Variants in SLC24A4 observed in about 807,000 individuals in gnomAD.
SLC24A4 encodes the protein solute carrier family 24 member 4, also known as sodium/potassium/calcium exchanger 4.
Under a neutral mutation model 79.0 loss-of-function variants are expected in SLC24A4, and 53 were observed. That is an observed-to-expected ratio of 0.67 (90% CI 0.54 to 0.84). The LOEUF is 0.84. SLC24A4 is among the 40% of genes least tolerant of loss of function. SLC24A4 has a pLI of 0.00. For synonymous variants in SLC24A4, 323 were observed against 323.8 expected, an observed-to-expected ratio of 1.00 and a Z score of 0.03; for missense variants, 731 against 822.0, an observed-to-expected ratio of 0.89 and a Z score of 1.35.
chr14:92,490,165 G>C lies in SLC24A4; in HGVS notation c.1538-1500G>C, dbSNP rs1021815878. 6.6e-6 allele frequency among the ~76,000 whole-genome samples: 1 copy of C among 152,222 alleles called. No homozygotes were observed. The highest frequency in any genetic ancestry group is 6.5e-5 in the Admixed American group (1 of 15,286). On this transcript the variant is annotated intron_variant, in intron 14 of 16. Transcript: ENST00000532405. This position sits in a 1 kb window ranked among gnomAD's most constrained non-coding sequence, Gnocchi z 4.3. ...TGGGTGCCGATCTGAGTTGCCTGCCGTATGTGCCAGCTACCAAAGCAATGT... is the reference window on the plus strand; with the variant it reads ...TGGGTGCCGATCTGAGTTGCCTGCCCTATGTGCCAGCTACCAAAGCAATGT...
chr14:92,487,962 G>A (rs1895460874), intron 14 of SLC24A4, among the ~76,000 whole-genome samples: 2 of 151,296 alleles, frequency 1.3e-5, no homozygotes, highest in South Asian at 2.1e-4. Context: ...TGTCTGTGTC[G>A]ACTTCCTCCT....
intron 12 of SLC24A4, among the ~76,000 whole-genome samples, chr14:92,462,920 G>A (rs1409857268): frequency 6.6e-6 from 1 of 152,158 alleles, no homozygotes; most frequent in Non-Finnish European, 1.5e-5. Context: ...CCAACCAAAG[G>A]ACTCTTTGCT....
At chr14:92,376,458 C>G (rs1234648867) in intron 2 of SLC24A4, among the ~76,000 whole-genome samples, 1 of 152,254 alleles carries the variant, frequency 6.6e-6, no homozygotes, top group African/African-American at 2.4e-5. Context: ...GTCGGGGCAG[C>G]TGGGGGCAGC....
chr14:92,409,665 G>C (rs549989730), intron 2 of SLC24A4, among the ~76,000 whole-genome samples: 41 of 152,284 alleles, frequency 2.7e-4, no homozygotes, highest in Middle Eastern at 6.8e-3. Flanking sequence ...CCACTCTCCT[G>C]ACTGGTGACA....
chr14:92,401,747 G>A (rs556648119), intron 2 of SLC24A4, among the ~76,000 whole-genome samples: 2 of 152,240 alleles, frequency 1.3e-5, no homozygotes, highest in Admixed American at 6.5e-5. Context: ...TGCTGTTTCC[G>A]CAGTGCCCTG....
chr14:92,374,789 G>A (rs1182519741), intron 2 of SLC24A4, among the ~76,000 whole-genome samples: 3 of 152,138 alleles, frequency 2.0e-5, no homozygotes, highest in Non-Finnish European at 4.4e-5. Flanking sequence ...TTTAAATGTT[G>A]GGTGCAATAT....
intron 16 of SLC24A4, chr14:92,493,036 C>T (rs965187539): frequency 2.6e-6 from 1 of 381,754 alleles, no homozygotes; most frequent in Non-Finnish European, 5.1e-6. Flanking sequence ...ATTTGCCCAG[C>T]CAGGGGTCCA....
At chr14:92,477,210 A>G (rs1894813084) in intron 12 of SLC24A4, among the ~76,000 whole-genome samples, 1 of 152,078 alleles carries the variant, frequency 6.6e-6, no homozygotes. Context: ...TATCTTTTTT[A>G]TTCTAGTAAT....
chr14:92,333,500 G>A (rs1398369069), intron 2 of SLC24A4, among the ~76,000 whole-genome samples: 1 of 152,144 alleles, frequency 6.6e-6, no homozygotes, highest in Non-Finnish European at 1.5e-5. Flanking sequence ...GACGGAGCGG[G>A]GCTTGATTTC....
At chr14:92,350,221 C>T (rs183200270) in intron 2 of SLC24A4, among the ~76,000 whole-genome samples, 15 of 152,230 alleles carry the variant, frequency 9.9e-5, no homozygotes, top group East Asian at 1.9e-4. Context: ...CTGCTAAGCA[C>T]GGTGGGTTAG....
At chr14:92,363,271 A>G (rs1467975390) in intron 2 of SLC24A4, among the ~76,000 whole-genome samples, 1 of 152,190 alleles carries the variant, frequency 6.6e-6, no homozygotes, top group East Asian at 1.9e-4. Flanking sequence ...GGGGCTGGAC[A>G]AGGAATCGGG....
intron 2 of SLC24A4, among the ~76,000 whole-genome samples, chr14:92,383,426 G>A (rs376964354): frequency 2.6e-5 from 4 of 152,154 alleles, no homozygotes; most frequent in Admixed American, 6.5e-5. Flanking sequence ...CATGTGCTGC[G>A]CCCCTGCCTG....
Position 92,459,097 on chromosome 14 carries a change from T to C in SLC24A4, c.1255+2489T>C, listed in dbSNP as rs539419163. On this transcript the variant is annotated intron_variant, in intron 12 of 16. Transcript: ENST00000532405. ...TTCACCTGAATCCTGGTATCAAGGC[T>C]GTCCACTGTCCAGGCGCTGCAGGAA... Among the ~76,000 whole-genome samples, 7 of 152,322 alleles carry C rather than the reference T, an allele frequency of 4.6e-5. No individual in the cohort carries two copies. In the South Asian group the frequency reaches 1.2e-3, roughly 27 times the overall value.
intron 2 of SLC24A4, among the ~76,000 whole-genome samples, chr14:92,355,450 G>A (rs1366054580): frequency 2.0e-5 from 3 of 152,204 alleles, no homozygotes; most frequent in African/African-American, 7.2e-5. Flanking sequence ...CTAGAAGGAC[G>A]AGCTGACTTA....
In SLC24A4 at chr14:92,499,665, C is replaced by CCACATA. The variant is rs1896073257; in HGVS notation, c.*6040_*6045dup. 7.2e-6 allele frequency: 1 copy of CCACATA among 139,514 alleles called. No homozygotes were observed. The highest frequency in any genetic ancestry group is 7.4e-5 in the Admixed American group (1 of 13,538). The allele number at this position is 139,514 out of a possible 1,614,324, so 8.6% of individuals were successfully genotyped here. ...TAGGTAGGACTACAGGCACATGCCA[C>CCACATA]CACATACAGCTAATTTGTTTTCATT... is the stretch of plus-strand genomic sequence containing the variant. On this transcript the variant is annotated 3_prime_UTR_variant, in exon 17 of 17. Transcript: ENST00000532405.
At chr14:92,367,207 A>C (rs1310009912) in intron 2 of SLC24A4, among the ~76,000 whole-genome samples, 2 of 152,210 alleles carry the variant, frequency 1.3e-5, no homozygotes, top group South Asian at 2.1e-4. Flanking sequence ...GAGTGTGTCC[A>C]ACATGCCGGC....
At chr14:92,346,517 G>A (rs1382507339) in intron 2 of SLC24A4, among the ~76,000 whole-genome samples, 1 of 152,218 alleles carries the variant, frequency 6.6e-6, no homozygotes, top group African/African-American at 2.4e-5. Context: ...GATGAGATCT[G>A]AGGTCATAAG....
chr14:92,393,534 G>A (rs1051392931), intron 2 of SLC24A4, among the ~76,000 whole-genome samples: 14 of 144,468 alleles, frequency 9.7e-5, no homozygotes, highest in African/African-American at 3.3e-4. Flanking sequence ...TTCCATCCAA[G>A]AAGACACACT....
intron 2 of SLC24A4, among the ~76,000 whole-genome samples, chr14:92,343,580 T>TTTTCTTTCTTTCTTTCTTTC (rs376436087): frequency 4.7e-5 from 4 of 85,106 alleles, no homozygotes; most frequent in Admixed American, 2.5e-4. Flanking sequence ...TTAATTACTG[T>TTTTCTTTCTTTCTTTCTTTC]TTTCTTTCTT....
Sources: allele counts gnomAD v4.1 joint callset (sites outside exome capture counted in the v4.1 genomes callset), GRCh38; gene constraint gnomAD v4.1.1; non-coding constraint Gnocchi (gnomAD v3.1); transcripts MANE v1.5; gene names NCBI Gene and HGNC (gene_info 2026-07-23, HGNC 2026-07-21).